Variants in NSUN6 observed in about 807,000 individuals in gnomAD.
The protein encoded by NSUN6 is tRNA (cytosine(72)-C(5))-methyltransferase NSUN6.
Under a neutral mutation model 58.0 loss-of-function variants are expected in NSUN6, and 64 were observed. The ratio of observed to expected loss-of-function variants is 1.10; its 90% CI spans 0.90 to 1.36. NSUN6 has a LOEUF of 1.36. NSUN6 is among the 40% of genes most tolerant of loss of function. The pLI, the probability that NSUN6 is intolerant of heterozygous loss-of-function variation, is 0.00. For missense variants in NSUN6, 701 were observed against 550.1 expected, an observed-to-expected ratio of 1.27 and a Z score of -2.74; for synonymous variants, 231 against 193.9, an observed-to-expected ratio of 1.19 and a Z score of -1.59.
intron 2 of NSUN6, among the ~76,000 whole-genome samples, chr10:18,647,740 T>C (rs56260360): frequency 7.0e-6 from 1 of 143,230 alleles, no homozygotes. Context: ...TTTTTTTTTT[T>C]TTTTTTTTTT....
At chr10:18,617,515 C>T (rs2058456383) in intron 3 of NSUN6, among the ~76,000 whole-genome samples, 2 of 152,116 alleles carry the variant, frequency 1.3e-5, no homozygotes, top group Non-Finnish European at 1.5e-5. Flanking sequence ...TTTCTAATTA[C>T]CTACGGACAG....
At chr10:18,602,162 A>G (rs1405721604) in intron 6 of NSUN6, among the ~76,000 whole-genome samples, 3 of 150,726 alleles carry the variant, frequency 2.0e-5, no homozygotes, top group African/African-American at 7.3e-5. Flanking sequence ...TCCCAGGTTC[A>G]ACTGATTCTC....
chr10:18,598,358 T>G (rs187986148), intron 6 of NSUN6, among the ~76,000 whole-genome samples: 11 of 152,354 alleles, frequency 7.2e-5, no homozygotes, highest in Middle Eastern at 6.8e-3. Context: ...ACACAAAGCC[T>G]GTTTGGTGGT....
At chr10:18,596,431 C>T (rs1284993683) in intron 6 of NSUN6, 104 bp from the exon 7 acceptor site, 2 of 677,750 alleles carry the variant, frequency 3.0e-6, no homozygotes, top group East Asian at 2.7e-5. Context: ...ACTACAGCAT[C>T]CTCACGTCTG....
intron 7 of NSUN6, among the ~76,000 whole-genome samples, chr10:18,588,687 C>T (rs1337004899): frequency 1.3e-5 from 2 of 152,256 alleles, no homozygotes; most frequent in East Asian, 3.9e-4. Context: ...AGAAGAGAGG[C>T]CTGTTAGAAG....
intron 3 of NSUN6, among the ~76,000 whole-genome samples, chr10:18,640,196 A>T (rs575962077): frequency 6.6e-6 from 1 of 152,326 alleles, no homozygotes; most frequent in East Asian, 1.9e-4. Context: ...ATTTTCTAAA[A>T]ATGAGTACAC....
At chr10:18,639,361 G>C (rs2059325094) in intron 3 of NSUN6, among the ~76,000 whole-genome samples, 1 of 152,104 alleles carries the variant, frequency 6.6e-6, no homozygotes, top group South Asian at 2.1e-4. Context: ...AGGTGTGGTG[G>C]CATGCGCCTG....
chr10:18,609,218 G>C (rs546166044), intron 6 of NSUN6, among the ~76,000 whole-genome samples: 2 of 152,142 alleles, frequency 1.3e-5, no homozygotes, highest in Admixed American at 1.3e-4. Flanking sequence ...GGCTAAGGCA[G>C]GAAGATCGCT....
intron 6 of NSUN6, among the ~76,000 whole-genome samples, chr10:18,608,875 C>T (rs1282897832): frequency 6.6e-6 from 1 of 152,084 alleles, no homozygotes; most frequent in African/African-American, 2.4e-5. Flanking sequence ...CAAAATGATT[C>T]ATAAACAATT....
chr10:18,606,427 G>T (rs2058050796), intron 6 of NSUN6, among the ~76,000 whole-genome samples: 1 of 152,130 alleles, frequency 6.6e-6, no homozygotes. Context: ...ATGATTAAAT[G>T]CAGTGTGGGA....
At chr10:18,577,743 A>T (rs926233132) in intron 8 of NSUN6, among the ~76,000 whole-genome samples, 1 of 152,174 alleles carries the variant, frequency 6.6e-6, no homozygotes, top group Middle Eastern at 3.2e-3. Flanking sequence ...CTTCCTCGTA[A>T]CCCAACCTTT....
intron 3 of NSUN6, among the ~76,000 whole-genome samples, chr10:18,635,119 A>G (rs1013294800): frequency 3.3e-5 from 5 of 152,172 alleles, no homozygotes; most frequent in African/African-American, 1.2e-4. Flanking sequence ...GACCAGCCCA[A>G]TAAAACCCTT....
intron 8 of NSUN6, among the ~76,000 whole-genome samples, chr10:18,579,529 A>C (rs2056813885): frequency 6.6e-6 from 1 of 152,174 alleles, no homozygotes; most frequent in Non-Finnish European, 1.5e-5. Context: ...TGAATGCAAA[A>C]TATCTGAACC....
At position 18,574,212 on chromosome 10, in the gene NSUN6, C is replaced by G. The variant is rs565519730; in HGVS notation, c.922+11737G>C. Among the ~76,000 whole-genome samples the G allele has an allele frequency of 2.0e-3, 303 of 152,180 alleles. 1 individual carries two copies. Among genetic ancestry groups the G allele is most frequent in the African/African-American group, 7.1e-3 (294 of 41,536 alleles). On this transcript the variant is annotated intron_variant, in intron 8 of 10. Coordinates refer to ENST00000377304, the MANE Select transcript of NSUN6 (RefSeq NM_182543.5). ...TGCATCCAGTCCAACACGGCTACCA[C>G]AGTTATTAGTCGAAGAAAGCAGAAA...
chr10:18,562,926 AGAATG>A (rs1445162005), intron 8 of NSUN6, among the ~76,000 whole-genome samples: 3 of 150,818 alleles, frequency 2.0e-5, no homozygotes, highest in African/African-American at 7.3e-5. Context: ...AATGGAAGGA[AGAATG>A]GAATGGAATG....
At chr10:18,607,422 T>C (rs1415520078) in intron 6 of NSUN6, among the ~76,000 whole-genome samples, 5 of 152,202 alleles carry the variant, frequency 3.3e-5, no homozygotes, top group Non-Finnish European at 7.3e-5. Flanking sequence ...CTGGTTCTGG[T>C]CTGCATTGAA....
intron 3 of NSUN6, among the ~76,000 whole-genome samples, chr10:18,633,283 G>C (rs2059102494): frequency 1.4e-5 from 2 of 140,238 alleles, no homozygotes; most frequent in Admixed American, 1.4e-4. Flanking sequence ...GGAGGGGGGA[G>C]GGATAGCATT....
At chr10:18,610,052 G>C (rs917276755) in intron 5 of NSUN6, 126 bp from the exon 6 acceptor site, 14 of 656,606 alleles carry the variant, frequency 2.1e-5, no homozygotes, top group Non-Finnish European at 3.0e-5. Flanking sequence ...AACTATTTTG[G>C]CTCAAGCCTG....
intron 5 of NSUN6, among the ~76,000 whole-genome samples, chr10:18,611,533 ATTTAT>A (rs1564799141): frequency 2.0e-5 from 3 of 151,904 alleles, no homozygotes; most frequent in African/African-American, 4.8e-5. Context: ...TGTTGGTTTT[ATTTAT>A]TTATTTTCAG....
Sources: gnomAD v4.1 joint callset for allele counts (sites outside exome capture counted in the v4.1 genomes callset) on GRCh38, gnomAD v4.1.1 for gene constraint, MANE v1.5 for transcripts, NCBI Gene and HGNC (gene_info 2026-07-23, HGNC 2026-07-21) for gene names.